The following MCM10 variants were observed in gnomAD, a reference collection of about 807,000 sequenced individuals.
The protein encoded by MCM10 is protein MCM10 homolog.
In MCM10, 91 loss-of-function variants were observed where a neutral mutation model predicts 109.9. The observed-to-expected ratio is 0.83, with a 90% CI of 0.70 to 0.99. MCM10 has a LOEUF of 0.99. MCM10 is among the 50% of genes least tolerant of loss of function. The pLI is 0.00. For missense variants in MCM10, 1,077 were observed against 1,061.2 expected (o/e 1.01, Z -0.21); for synonymous variants, 380 against 387.2 (o/e 0.98, Z 0.22).
rs1185832516 is a variant in MCM10, at chr10:13,182,770, TAA to T, written c.931-161_931-160del. On this transcript the variant is annotated intron_variant, in intron 7 of 19. Transcript: ENST00000378714. The surrounding 1 kb of genome is among the most constrained non-coding windows in gnomAD (Gnocchi z 4.2). ...GAATGCAAAAGCCTAGAGAATGGGTTAAAGTTATCACACATGCTGATGATACA... is the reference window on the plus strand; with the variant it reads ...GAATGCAAAAGCCTAGAGAATGGGTTAGTTATCACACATGCTGATGATACA... Among the ~76,000 whole-genome samples the T allele has an allele frequency of 6.6e-6, 1 of 152,188 alleles. No homozygotes were observed. The highest frequency in any genetic ancestry group is 1.5e-5 in the Non-Finnish European group (1 of 68,024).
chr10:13,203,751 A>G (rs1834531164), intron 17 of MCM10, among the ~76,000 whole-genome samples: 1 of 152,102 alleles, frequency 6.6e-6, no homozygotes, highest in South Asian at 2.1e-4. Flanking sequence ...TTTGCTGCTA[A>G]TAGGGAGTAA....
Position 13,167,592 on chromosome 10 carries a change from G to GA in MCM10, c.8-3330_8-3329insA, listed in dbSNP as rs1834018358. 4.0e-5 allele frequency among the ~76,000 whole-genome samples: 6 copies of GA among 151,320 alleles called. No homozygotes were observed. In the South Asian group the frequency reaches 1.3e-3, roughly 32 times the overall value. ...AGAGATGGAGGGGAGGACCGGGGGG[G>GA]GCATGCATGATACACATATGATGAT... On this transcript the variant is annotated intron_variant, in intron 2 of 19. Transcript: ENST00000378714.
intron 6 of MCM10, among the ~76,000 whole-genome samples, chr10:13,179,236 G>C (rs1006132082): frequency 6.6e-6 from 1 of 152,056 alleles, no homozygotes; most frequent in Non-Finnish European, 1.5e-5. Context: ...CCCCTAAGCT[G>C]TTTGCCTACT....
intron 9 of MCM10, 60 bp downstream of exon 9, chr10:13,186,340 T>C: frequency 8.6e-7 from 1 of 1,161,592 alleles, no homozygotes; most frequent in Non-Finnish European, 1.3e-6. Context: ...AGGAATAAAC[T>C]GTTGGTGCTT....
At chr10:13,184,602 A>T (rs1186881884) in intron 8 of MCM10, among the ~76,000 whole-genome samples, 2 of 152,192 alleles carry the variant, frequency 1.3e-5, no homozygotes, top group Non-Finnish European at 2.9e-5. Context: ...TTCACCAGAG[A>T]ATGGCAACAA....
In MCM10 at chr10:13,172,013, G is replaced by A. The variant is rs1834080465; in HGVS notation, c.350-363G>A. Among the ~76,000 whole-genome samples the A allele has an allele frequency of 1.3e-5, 2 of 151,842 alleles. No individual in the cohort carries two copies. The highest frequency in any genetic ancestry group is 4.8e-5 in the African/African-American group (2 of 41,424). On this transcript the variant is annotated intron_variant, in intron 3 of 19. Transcript: ENST00000378714. The surrounding 1 kb of genome is among the most constrained non-coding windows in gnomAD (Gnocchi z 5.2). The stretch of plus-strand genomic sequence containing the variant: ...TGGTCTCGAACTGCTGGGCTCTTGC[G>A]TCCTCCTGCCTCAGCCTCCCAAAAT...
At position 13,172,321 on chromosome 10, in the gene MCM10, A is replaced by T. The variant is rs1834084515; in HGVS notation, c.350-55A>T. The T allele has an allele frequency of 6.6e-6, 9 of 1,371,424 alleles. No homozygotes were observed. Among genetic ancestry groups the T allele is most frequent in the Non-Finnish European group, 9.3e-6 (9 of 966,528 alleles). The allele number at this position is 1,371,424 out of a possible 1,614,324, so 85.0% of individuals were successfully genotyped here. On this transcript the variant is annotated intron_variant, in intron 3 of 19. Coordinates refer to ENST00000378714, the MANE Select transcript of MCM10 (RefSeq NM_018518.5). This position sits in a 1 kb window ranked among gnomAD's most constrained non-coding sequence, Gnocchi z 5.2. ...CAAAAATATTGCCCGCATTTTTGTCATGTAGAACGTTTTCTCCTGCCTGGT... is the reference window on the plus strand; with the variant it reads ...CAAAAATATTGCCCGCATTTTTGTCTTGTAGAACGTTTTCTCCTGCCTGGT...
chr10:13,171,201 C>G lies in MCM10; in HGVS notation c.287C>G (p.Thr96Ser). The G allele has an allele frequency of 6.2e-7, 1 of 1,614,160 alleles. No individual in the cohort carries two copies. The highest frequency in any genetic ancestry group is 1.6e-4 in the Middle Eastern group (1 of 6,062). ...DEEEVPASQS[T>S]ENRVLPAPAP... The stretch of plus-strand genomic sequence containing the variant: ...GAAGAAGTTCCCGCATCACAGTCAA[C>G]TGAAAATAGGGTCCTCCCTGCTCCT... Residue 96 changes from threonine (T) to serine (S), a missense_variant, in exon 3 of 20, where the codon ACT becomes AGT. Thr to Ser is a moderately conservative substitution (Grantham distance 58). Transcript: ENST00000378714.
chr10:13,192,392 G>C, intron 12 of MCM10, 27 bp downstream of exon 12: 1 of 1,612,770 alleles, frequency 6.2e-7, no homozygotes, highest in Non-Finnish European at 8.5e-7. Context: ...GGCCACACGT[G>C]TGTCCCTGTG....
chr10:13,166,803 G>C (rs1005868788), intron 2 of MCM10, among the ~76,000 whole-genome samples: 14 of 151,724 alleles, frequency 9.2e-5, no homozygotes, highest in African/African-American at 3.4e-4. Flanking sequence ...GAATCTTTAA[G>C]CAGTGCTGAA....
At chr10:13,175,359 A>G in intron 5 of MCM10, 151 bp from the exon 6 acceptor site, 1 of 609,024 alleles carries the variant, frequency 1.6e-6, no homozygotes, top group South Asian at 1.8e-5. Flanking sequence ...TGGAGGTTGC[A>G]GTGATCCCAG....
In MCM10 at chr10:13,192,342, AT is replaced by A. The variant is rs1564389552; in HGVS notation, c.1607del (p.Leu536Ter). On this transcript the variant is annotated frameshift_variant, in exon 12 of 20. Transcript: ENST00000378714. LOFTEE classifies it high-confidence loss of function. ...PTCGARNLKQ[H>X]LAKATASGIM... ...TGTGGAGCCAGGAACTTAAAACAAC[AT>A]TTAGCCAAAGCCACAGCTTCAGGTA... 6.2e-7 allele frequency: 1 copy of A among 1,613,542 alleles called. No homozygotes were observed. Among genetic ancestry groups the A allele is most frequent in the South Asian group, 1.1e-5 (1 of 90,918 alleles).
chr10:13,175,414 C>T (rs1834127820), intron 5 of MCM10, 96 bp from the exon 6 acceptor site: 2 of 991,950 alleles, frequency 2.0e-6, no homozygotes, highest in Non-Finnish European at 1.6e-6. Context: ...CAGTGAGTCC[C>T]TATCTCAAAG....
chr10:13,203,068 C>T (rs1834521519), intron 17 of MCM10, among the ~76,000 whole-genome samples: 1 of 152,124 alleles, frequency 6.6e-6, no homozygotes, highest in African/African-American at 2.4e-5. Context: ...TGGTCTGGAA[C>T]TCCTGACTTC....
Position 13,204,277 on chromosome 10 carries a change from A to T in MCM10, c.2411A>T (p.His804Leu). The change falls in exon 18 of 20, where the codon CAC becomes CTC. Residue 804 changes from histidine to leucine, a missense_variant. By Grantham distance (99) the His-to-Leu change is moderately conservative. Transcript: ENST00000378714. Reference protein sequence around the residue: ...ETCVSEQHEYHWHDGVKRFFK... With the variant: ...ETCVSEQHEYLWHDGVKRFFK... ...TGCGTCAGTGAGCAGCATGAATACCACTGGCATGATGGTGTGAAGAGGTTT... is the reference window on the plus strand; with the variant it reads ...TGCGTCAGTGAGCAGCATGAATACCTCTGGCATGATGGTGTGAAGAGGTTT... The T allele has an allele frequency of 6.2e-7, 1 of 1,614,160 alleles. No homozygotes were observed. Among genetic ancestry groups the T allele is most frequent in the Non-Finnish European group, 8.5e-7 (1 of 1,180,024 alleles).
chr10:13,172,119 A>C lies in MCM10; in HGVS notation c.350-257A>C, dbSNP rs909872471. Among the ~76,000 whole-genome samples the C allele has an allele frequency of 6.6e-6, 1 of 152,100 alleles. No homozygotes were observed. Among genetic ancestry groups the C allele is most frequent in the Non-Finnish European group, 1.5e-5 (1 of 68,020 alleles). On this transcript the variant is annotated intron_variant, in intron 3 of 19. Transcript: ENST00000378714. This position sits in a 1 kb window ranked among gnomAD's most constrained non-coding sequence, Gnocchi z 5.2. ...TAAAAACTTGTTAACTGTGGATTTTATTTGATATCTCTTAATAGTAAAGAT... is the reference window on the plus strand; with the variant it reads ...TAAAAACTTGTTAACTGTGGATTTTCTTTGATATCTCTTAATAGTAAAGAT...
At chr10:13,164,234 C>G in intron 2 of MCM10, 25 bp downstream of exon 2, 1 of 1,587,538 alleles carries the variant, frequency 6.3e-7, no homozygotes, top group Non-Finnish European at 8.5e-7. Flanking sequence ...TTTTCTGTTA[C>G]TCTGTTTCAA....
chr10:13,188,999 G>C lies in MCM10; in HGVS notation c.1334G>C (p.Arg445Thr). Residue 445 changes from arginine (R) to threonine (T), a missense_variant, in exon 10 of 20, where the codon AGA (arginine) becomes ACA (threonine). By Grantham distance (71) the Arg-to-Thr change is moderately conservative. Transcript: ENST00000378714. The part of the protein sequence containing the change: ...GGRIPKKFAR[R>T]GTSLKERLCQ... ...CGAATTCCAAAGAAGTTTGCCCGCA[G>C]AGGCACCAGCCTCAAAGAACGGCTG... The C allele has an allele frequency of 6.2e-7, 1 of 1,614,264 alleles. No individual in the cohort carries two copies. The highest frequency in any genetic ancestry group is 1.7e-5 in the Admixed American group (1 of 60,020).
chr10:13,188,821 C>T, intron 9 of MCM10, 60 bp from the exon 10 acceptor site: 2 of 1,416,050 alleles, frequency 1.4e-6, no homozygotes, highest in Non-Finnish European at 2.0e-6. Context: ...ACTGTGTCTG[C>T]TCACTGCTGT....
Sources: gnomAD v4.1 joint callset for allele counts (sites outside exome capture counted in the v4.1 genomes callset) on GRCh38, gnomAD v4.1.1 for gene constraint, Gnocchi (gnomAD v3.1) non-coding constraint, MANE v1.5 for transcripts, NCBI Gene and HGNC (gene_info 2026-07-23, HGNC 2026-07-21) for gene names.